The following SEL1L3 variants were observed in gnomAD, a reference collection of about 807,000 sequenced individuals.
The protein encoded by SEL1L3 is SEL1L family member 3.
SEL1L3 carries 76 observed loss-of-function variants against 142.8 expected under a neutral mutation model. That is an observed-to-expected ratio of 0.53 (90% CI 0.44 to 0.64). The LOEUF (loss-of-function observed/expected upper bound fraction) is 0.64, where lower values mean the gene tolerates loss of function less well. SEL1L3 is among the 30% of genes least tolerant of loss of function. SEL1L3 has a pLI of 0.00. For missense variants in SEL1L3, 1,262 were observed against 1,381.7 expected (o/e 0.91, Z 1.37); for synonymous variants, 504 against 519.6 (o/e 0.97, Z 0.41).
At chr4:25,812,887 C>A (rs1577644919) in intron 9 of SEL1L3, among the ~76,000 whole-genome samples, 1 of 151,082 alleles carries the variant, frequency 6.6e-6, no homozygotes, top group Non-Finnish European at 1.5e-5. Context: ...GTGGCGTGCG[C>A]CTGTAATCCC....
chr4:25,861,071 G>A (rs1717672728), intron 1 of SEL1L3, among the ~76,000 whole-genome samples: 1 of 152,174 alleles, frequency 6.6e-6, no homozygotes, highest in African/African-American at 2.4e-5. Flanking sequence ...ATGTCCACGT[G>A]GAACTTTTCG....
At chr4:25,789,612 T>C (rs1013881025) in intron 12 of SEL1L3, among the ~76,000 whole-genome samples, 4 of 148,538 alleles carry the variant, frequency 2.7e-5, no homozygotes, top group Non-Finnish European at 5.9e-5. Context: ...AAAGCCCCTG[T>C]ACTGTCTGCT....
At chr4:25,800,337 T>C (rs1713089907) in intron 11 of SEL1L3, among the ~76,000 whole-genome samples, 2 of 152,242 alleles carry the variant, frequency 1.3e-5, no homozygotes, top group South Asian at 4.1e-4. Context: ...AAATGAGCTA[T>C]GACACAACTC....
chr4:25,796,304 A>G (rs1712742553), intron 11 of SEL1L3, among the ~76,000 whole-genome samples: 1 of 152,124 alleles, frequency 6.6e-6, no homozygotes, highest in Non-Finnish European at 1.5e-5. Flanking sequence ...AACTTCAGGA[A>G]AGCTGAAGGC....
At chr4:25,834,051 G>C (rs1715609944) in intron 3 of SEL1L3, among the ~76,000 whole-genome samples, 2 of 152,276 alleles carry the variant, frequency 1.3e-5, no homozygotes, top group South Asian at 2.1e-4. Context: ...ATCTACAAAT[G>C]GCATCACTAT....
downstream of SEL1L3, among the ~76,000 whole-genome samples, chr4:25,746,509 TATATATATATATATATATTTAA>T (rs1490041625): frequency 3.2e-5 from 1 of 31,132 alleles, no homozygotes; most frequent in Non-Finnish European, 1.3e-4. Flanking sequence ...ATTATCTAAA[TATATATATATATATATATTTAA>T]ATATATATAT....
chr4:25,734,190 AT>A, the SEL1L3 span, among the ~76,000 whole-genome samples: 1 of 152,034 alleles, frequency 6.6e-6, no homozygotes, highest in Admixed American at 6.6e-5. Flanking sequence ...CGCCCAGCTA[AT>A]GTTTTTTGTT....
At chr4:25,779,228 C>A in intron 15 of SEL1L3, 25 bp from the exon 16 acceptor site, 2 of 1,610,136 alleles carry the variant, frequency 1.2e-6, no homozygotes, top group South Asian at 1.1e-5. Flanking sequence ...GAACAAACAT[C>A]GAGTCATCCT....
At chr4:25,805,993 T>C (rs1713530452) in intron 9 of SEL1L3, among the ~76,000 whole-genome samples, 1 of 151,982 alleles carries the variant, frequency 6.6e-6, no homozygotes, top group South Asian at 2.1e-4. Context: ...TTTTCTTCAT[T>C]CCGTGAAAAA....
chr4:25,761,513 TG>T (rs1718377802), intron 20 of SEL1L3, among the ~76,000 whole-genome samples: 1 of 152,062 alleles, frequency 6.6e-6, no homozygotes, highest in East Asian at 1.9e-4. Context: ...TTAAAATAAG[TG>T]GGAAAATAGA....
intron 20 of SEL1L3, among the ~76,000 whole-genome samples, chr4:25,760,987 G>C (rs149074341): frequency 6.5e-4 from 99 of 152,224 alleles, no homozygotes; most frequent in African/African-American, 2.2e-3. Flanking sequence ...AAACACAAGA[G>C]GACAGGGTGC....
chr4:25,825,436 T>C (rs560281607), intron 6 of SEL1L3, among the ~76,000 whole-genome samples: 295 of 152,242 alleles, frequency 1.9e-3, no homozygotes, highest in Middle Eastern at 3.4e-3. Flanking sequence ...TGGCAAACTA[T>C]CTTTACTCTT....
rs994755096 is a variant in SEL1L3 at position 25,754,245 on chromosome 4, C to T, written c.3259+3289G>A. On this transcript the variant is annotated intron_variant, in intron 23 of 23. Coordinates refer to ENST00000399878, the MANE Select transcript of SEL1L3 (RefSeq NM_015187.5). ...TGAACCCAGGAGGTGGAGGTTGTGG[C>T]GAGCTGAGATTGCACCATTGCACTC... is the stretch of plus-strand genomic sequence containing the variant. 1.5e-4 allele frequency among the ~76,000 whole-genome samples: 23 copies of T among 148,534 alleles called. No homozygotes were observed. In the South Asian group the frequency reaches 2.0e-3, roughly 13 times the overall value.
At chr4:25,815,873 G>A (rs1365856812) in intron 9 of SEL1L3, among the ~76,000 whole-genome samples, 3 of 150,528 alleles carry the variant, frequency 2.0e-5, no homozygotes, top group Admixed American at 6.7e-5. Context: ...ATATTGGGGG[G>A]GGTGCTTTTG....
intron 6 of SEL1L3, among the ~76,000 whole-genome samples, chr4:25,826,579 C>T (rs1715106987): frequency 6.6e-6 from 1 of 152,092 alleles, no homozygotes; most frequent in Non-Finnish European, 1.5e-5. Context: ...GCTTATTTCT[C>T]TGATGGGGAG....
intron 23 of SEL1L3, chr4:25,756,800 G>C (rs1717993989): frequency 8.1e-7 from 1 of 1,234,420 alleles, no homozygotes; most frequent in Admixed American, 2.7e-5. Context: ...TTCATTACGA[G>C]TGTTTGTTTA....
chr4:25,847,897 G>T, intron 1 of SEL1L3, 33 bp from the exon 2 acceptor site: 3 of 1,345,216 alleles, frequency 2.2e-6, no homozygotes, highest in Non-Finnish European at 3.0e-6. Flanking sequence ...AAGAAATACA[G>T]AAAGTTTAAA....
intron 2 of SEL1L3, among the ~76,000 whole-genome samples, chr4:25,839,472 T>C (rs1577680999): frequency 6.6e-6 from 1 of 152,120 alleles, no homozygotes; most frequent in East Asian, 1.9e-4. Context: ...AATTACGGTC[T>C]GTCAGGCGAT....
the SEL1L3 span, among the ~76,000 whole-genome samples, chr4:25,717,423 T>G: frequency 6.6e-6 from 1 of 152,236 alleles, no homozygotes; most frequent in Non-Finnish European, 1.5e-5. Flanking sequence ...CCCTGCACTT[T>G]GGAAGGCTGA....
Sources: gnomAD v4.1 joint callset for allele counts (sites outside exome capture counted in the v4.1 genomes callset) on GRCh38, gnomAD v4.1.1 for gene constraint, MANE v1.5 for transcripts, NCBI Gene and HGNC (gene_info 2026-07-23, HGNC 2026-07-21) for gene names.